The following FKBP1B variants were observed in gnomAD, a reference collection of about 807,000 sequenced individuals.
The protein encoded by FKBP1B is peptidyl-prolyl cis-trans isomerase FKBP1B.
In FKBP1B, 4 loss-of-function variants were observed where a neutral mutation model predicts 13.5. The observed-to-expected ratio is 0.30, with a 90% CI of 0.15 to 0.68. The LOEUF is 0.68. Ranked by LOEUF, FKBP1B falls within the 30% of genes least tolerant of loss-of-function variation. The pLI is 0.76. For missense variants in FKBP1B, 93 were observed against 136.2 expected (o/e 0.68, Z 1.58); for synonymous variants, 54 against 53.6 (o/e 1.01, Z -0.03).
chr2:24,034,826 C>T, the FKBP1B span, among the ~76,000 whole-genome samples: 1,708 of 152,168 alleles, frequency 0.011, 34 homozygotes, highest in African/African-American at 0.037. Flanking sequence ...CTACCCATCT[C>T]GGCCTCCCAA....
chr2:24,039,282 A>G, the FKBP1B span: 4 of 1,614,232 alleles, frequency 2.5e-6, no homozygotes, highest in Non-Finnish European at 2.5e-6. Flanking sequence ...CAGGTGTATC[A>G]TCTGCAACAG....
chr2:24,042,830 T>C, the FKBP1B span, among the ~76,000 whole-genome samples: 1 of 151,700 alleles, frequency 6.6e-6, no homozygotes, highest in Middle Eastern at 3.4e-3. Context: ...CATCAGGAGT[T>C]CGAGACCAGC....
intron 2 of FKBP1B, among the ~76,000 whole-genome samples, chr2:24,056,590 TG>T (rs1664140174): frequency 6.6e-6 from 1 of 152,122 alleles, no homozygotes; most frequent in African/African-American, 2.4e-5. Context: ...GTTTCCCTGA[TG>T]ATGAATGAAG....
At chr2:24,048,470 CAAAAA>C (rs11367799), upstream of FKBP1B, among the ~76,000 whole-genome samples, 1 of 87,040 alleles carries the variant, frequency 1.1e-5, no homozygotes, top group Middle Eastern at 5.2e-3. Flanking sequence ...GATTCTGTCT[CAAAAA>C]AAAAAAAAAA....
chr2:24,039,450 C>A, the FKBP1B span: 1 of 1,614,172 alleles, frequency 6.2e-7, no homozygotes, highest in Non-Finnish European at 8.5e-7. Flanking sequence ...CTTGATGCAA[C>A]GCATTCAGTC....
Position 24,063,132 on chromosome 2 carries a change from C to A in FKBP1B, c.267C>A (p.Pro89=), listed in dbSNP as rs148388923. The A allele has an allele frequency of 6.2e-7, 1 of 1,613,542 alleles. No homozygotes were observed. The highest frequency in any genetic ancestry group is 1.1e-5 in the South Asian group (1 of 90,970). ...PDVAYGATGH[P]GVIPPNATLI... Reference sequence around the variant, plus strand: ...TGGCATATGGAGCCACGGGCCACCCCGGTGTCATCCCTCCCAATGCCACCC... The same window carrying A: ...TGGCATATGGAGCCACGGGCCACCCAGGTGTCATCCCTCCCAATGCCACCC... Residue 89 remains proline, a synonymous_variant, in exon 4 of 4, where the codon CCC becomes CCA. Coordinates refer to ENST00000380986, the MANE Select transcript of FKBP1B (RefSeq NM_004116.5).
chr2:24,059,183 C>G (rs918285125), intron 2 of FKBP1B, among the ~76,000 whole-genome samples: 1 of 150,644 alleles, frequency 6.6e-6, no homozygotes. Context: ...TTGTGGTGGT[C>G]CAGGGACTGC....
At chr2:24,062,965 G>A in intron 3 of FKBP1B, 99 bp from the exon 4 acceptor site, 2 of 1,557,790 alleles carry the variant, frequency 1.3e-6, no homozygotes, top group Non-Finnish European at 1.8e-6. Flanking sequence ...AGTTAACATT[G>A]AGGATGGTTT....
chr2:24,060,884 C>A lies in FKBP1B; in HGVS notation c.156C>A (p.Gly52=). The part of the protein sequence containing the change: ...DRNKPFKFRI[G]KQEVIKGFEE... ...ACAAACCTTTCAAGTTCAGAATTGG[C>A]AAACAGGAAGTCATCAAAGGTTTTG... Residue 52 remains glycine (G), a synonymous_variant, in exon 3 of 4, where the codon GGC becomes GGA. Coordinates refer to ENST00000380986, the MANE Select transcript of FKBP1B (RefSeq NM_004116.5). The A allele has an allele frequency of 6.2e-7, 1 of 1,614,100 alleles. No homozygotes were observed. The highest frequency in any genetic ancestry group is 8.5e-7 in the Non-Finnish European group (1 of 1,180,006).
upstream of FKBP1B, among the ~76,000 whole-genome samples, chr2:24,045,341 C>T (rs756178195): frequency 1.3e-5 from 2 of 152,160 alleles, no homozygotes; most frequent in Admixed American, 1.3e-4. Context: ...GTGCCTCATG[C>T]CTGTAATCCC....
intron 1 of FKBP1B, among the ~76,000 whole-genome samples, chr2:24,053,140 C>G (rs969142370): frequency 2.0e-5 from 3 of 152,050 alleles, no homozygotes; most frequent in African/African-American, 7.2e-5. Flanking sequence ...GTGACAGGGT[C>G]TTGCTCTGTC....
At chr2:24,049,006 G>A (rs1381398570), upstream of FKBP1B, among the ~76,000 whole-genome samples, 1 of 152,046 alleles carries the variant, frequency 6.6e-6, no homozygotes, top group African/African-American at 2.4e-5. Context: ...GGGGTATGGG[G>A]GAGAGTCAGC....
chr2:24,053,578 T>G (rs1663977577), intron 1 of FKBP1B, among the ~76,000 whole-genome samples: 1 of 149,936 alleles, frequency 6.7e-6, no homozygotes, highest in East Asian at 2.0e-4. Context: ...GGTCCAGGCC[T>G]GGCACATAGG....
At chr2:24,043,038 A>AG in the FKBP1B span, among the ~76,000 whole-genome samples, 1 of 151,524 alleles carries the variant, frequency 6.6e-6, no homozygotes. Context: ...CGTCTCAAAA[A>AG]AAAAAAAAAA....
intron 2 of FKBP1B, among the ~76,000 whole-genome samples, chr2:24,056,308 A>G (rs1664124262): frequency 6.7e-6 from 1 of 148,276 alleles, no homozygotes; most frequent in Non-Finnish European, 1.5e-5. Context: ...GTTTTGGCCT[A>G]CTCTGGTGAG....
the FKBP1B span, among the ~76,000 whole-genome samples, chr2:24,039,795 T>C: frequency 6.6e-6 from 1 of 152,100 alleles, no homozygotes; most frequent in African/African-American, 2.4e-5. Flanking sequence ...AGAGTTATTA[T>C]TTTTCTTCTT....
At chr2:24,036,776 C>G in the FKBP1B span, among the ~76,000 whole-genome samples, 1 of 152,196 alleles carries the variant, frequency 6.6e-6, no homozygotes, top group Non-Finnish European at 1.5e-5. Context: ...AAAACAATGA[C>G]AAACCATTCC....
chr2:24,055,129 C>G (rs1351556226), intron 2 of FKBP1B, among the ~76,000 whole-genome samples: 2 of 151,716 alleles, frequency 1.3e-5, no homozygotes, highest in African/African-American at 4.8e-5. Context: ...CCAGCATCCC[C>G]AAAAGTCCCC....
chr2:24,038,591 A>T, the FKBP1B span: 7 of 1,613,842 alleles, frequency 4.3e-6, no homozygotes, highest in Non-Finnish European at 5.9e-6. Context: ...TTTCTTAGAC[A>T]AATAAGAGAA....
Sources: gnomAD v4.1 joint callset for allele counts (sites outside exome capture counted in the v4.1 genomes callset) on GRCh38, gnomAD v4.1.1 for gene constraint, MANE v1.5 for transcripts, NCBI Gene and HGNC (gene_info 2026-07-23, HGNC 2026-07-21) for gene names.